The following TOX variants were observed in gnomAD, a reference collection of about 807,000 sequenced individuals.
TOX encodes the protein thymocyte selection-associated high mobility group box protein TOX.
TOX carries 11 observed loss-of-function variants against 53.7 expected under a neutral mutation model. That is an observed-to-expected ratio of 0.20 (90% CI 0.13 to 0.34). The LOEUF (loss-of-function observed/expected upper bound fraction) is 0.34, where lower values mean the gene tolerates loss of function less well. Among genes scored for constraint, TOX ranks in the 10% least tolerant of loss-of-function variants. The pLI is 1.00. For missense variants in TOX, 570 were observed against 664.6 expected (o/e 0.86, Z 1.56); for synonymous variants, 225 against 245.3 (o/e 0.92, Z 0.77).
At chr8:58,929,971 GTAAT>G (rs1812233819) in intron 3 of TOX, among the ~76,000 whole-genome samples, 2 of 152,116 alleles carry the variant, frequency 1.3e-5, no homozygotes, top group Admixed American at 6.5e-5. Context: ...ACTACACATT[GTAAT>G]TAATTGTCAA....
At chr8:58,882,970 A>G (rs895101772) in intron 3 of TOX, among the ~76,000 whole-genome samples, 3 of 152,220 alleles carry the variant, frequency 2.0e-5, no homozygotes, top group African/African-American at 4.8e-5. Flanking sequence ...TCTCGCTTGC[A>G]AACACTCATT....
At chr8:58,894,616 A>C (rs952452578) in intron 3 of TOX, among the ~76,000 whole-genome samples, 2 of 152,192 alleles carry the variant, frequency 1.3e-5, no homozygotes, top group Non-Finnish European at 2.9e-5. Flanking sequence ...GTTCTGGGCC[A>C]GGTGCAGTGG....
intron 3 of TOX, among the ~76,000 whole-genome samples, chr8:58,934,860 C>T (rs948196263): frequency 5.3e-5 from 8 of 152,136 alleles, no homozygotes; most frequent in African/African-American, 1.9e-4. Flanking sequence ...TTTCCTGAAC[C>T]CCGTGAGGTA....
At chr8:58,926,044 G>A (rs941058430) in intron 3 of TOX, among the ~76,000 whole-genome samples, 8 of 152,342 alleles carry the variant, frequency 5.3e-5, no homozygotes, top group Non-Finnish European at 1.2e-4. Context: ...AGTCAGTTGA[G>A]TGCCTGGGCT....
intron 3 of TOX, among the ~76,000 whole-genome samples, chr8:58,931,362 T>G (rs1812250771): frequency 6.6e-6 from 1 of 151,298 alleles, no homozygotes; most frequent in Admixed American, 6.6e-5. Flanking sequence ...GATTTAAAAG[T>G]TGAAAAATAA....
chr8:59,070,746 G>C (rs1422169249), intron 1 of TOX, among the ~76,000 whole-genome samples: 2 of 152,098 alleles, frequency 1.3e-5, no homozygotes, highest in South Asian at 2.1e-4. Flanking sequence ...TGTTCATTTA[G>C]TGACCTCTAT....
rs147907460 is a variant in TOX at position 59,024,978 on chromosome 8, T to C, written c.103-64970A>G. On this transcript the variant is annotated intron_variant, in intron 1 of 8. Transcript: ENST00000361421. ...TCAACTATTAACAGAAAATGATATA[T>C]AGTAGCCACAGAAATCCCTTTATGC... Among the ~76,000 whole-genome samples the C allele has an allele frequency of 2.2e-3, 339 of 152,314 alleles. 3 individuals carry two copies. The highest frequency in any genetic ancestry group is 7.8e-3 in the African/African-American group (323 of 41,572).
At chr8:59,036,480 T>G (rs1298041845) in intron 1 of TOX, among the ~76,000 whole-genome samples, 1 of 152,194 alleles carries the variant, frequency 6.6e-6, no homozygotes, top group East Asian at 1.9e-4. Context: ...TTCTTTTGAA[T>G]TTTTAACAAT....
chr8:59,021,499 T>TATACAC lies in TOX; in HGVS notation c.103-61492_103-61491insGTGTAT, dbSNP rs1554539851. Among the ~76,000 whole-genome samples, 54 of 109,596 alleles carry TATACAC rather than the reference T, an allele frequency of 4.9e-4. 3 individuals carry two copies. The highest frequency in any genetic ancestry group is 4.5e-3 in the Middle Eastern group (1 of 220). The allele number at this position is 109,596 out of a possible 152,430, so 71.9% of individuals were successfully genotyped here. ...AAAAAAAAATATATATATATATATA[T>TATACAC]GCACATATATACAATGTCAGATATA... is the stretch of plus-strand genomic sequence containing the variant. On this transcript the variant is annotated intron_variant, in intron 1 of 8. Coordinates refer to ENST00000361421, the MANE Select transcript of TOX (RefSeq NM_014729.3).
chr8:58,848,605 T>C (rs537048442), intron 4 of TOX, among the ~76,000 whole-genome samples: 1 of 152,240 alleles, frequency 6.6e-6, no homozygotes, highest in East Asian at 1.9e-4. Context: ...ATACTTTATG[T>C]GTCTTAAAGT....
chr8:58,994,468 T>C (rs1265711788), intron 1 of TOX, among the ~76,000 whole-genome samples: 3 of 151,448 alleles, frequency 2.0e-5, no homozygotes, highest in South Asian at 2.1e-4. Context: ...AAGGACTAAA[T>C]CTCTTTAGAC....
At chr8:58,849,278 G>A (rs972386149) in intron 4 of TOX, among the ~76,000 whole-genome samples, 1 of 152,130 alleles carries the variant, frequency 6.6e-6, no homozygotes, top group Non-Finnish European at 1.5e-5. Context: ...GAATGTTTGT[G>A]CAGATAAAAA....
At chr8:59,054,442 T>C (rs1279634609) in intron 1 of TOX, among the ~76,000 whole-genome samples, 1 of 152,104 alleles carries the variant, frequency 6.6e-6, no homozygotes, top group Non-Finnish European at 1.5e-5. Flanking sequence ...ATCCTTAGAG[T>C]TGTGAGTTCG....
At chr8:59,027,675 T>G (rs1814270711) in intron 1 of TOX, among the ~76,000 whole-genome samples, 1 of 152,148 alleles carries the variant, frequency 6.6e-6, no homozygotes, top group Admixed American at 6.6e-5. Context: ...TTTACGGACT[T>G]CATTGAAATA....
intron 1 of TOX, among the ~76,000 whole-genome samples, chr8:59,025,750 G>A (rs1355321184): frequency 2.0e-5 from 3 of 152,130 alleles, no homozygotes; most frequent in African/African-American, 2.4e-5. Flanking sequence ...CAGATGGTTC[G>A]CTTACCTGCA....
chr8:58,969,469 A>G (rs575292036), intron 1 of TOX, among the ~76,000 whole-genome samples: 1 of 152,176 alleles, frequency 6.6e-6, no homozygotes, highest in Non-Finnish European at 1.5e-5. Context: ...TACATCTTCA[A>G]GTACTACATA....
intron 1 of TOX, among the ~76,000 whole-genome samples, chr8:59,015,257 T>A (rs1366085782): frequency 6.6e-6 from 1 of 152,212 alleles, no homozygotes; most frequent in Non-Finnish European, 1.5e-5. Flanking sequence ...CACGGGACAC[T>A]GCTAATATCA....
intron 4 of TOX, among the ~76,000 whole-genome samples, chr8:58,843,755 T>C (rs1810680868): frequency 1.3e-5 from 2 of 152,208 alleles, no homozygotes; most frequent in Non-Finnish European, 2.9e-5. Flanking sequence ...GTGGAAAGGA[T>C]GCAGAAATGA....
In TOX at chr8:58,914,533, C is replaced by T. The variant is rs533984966; in HGVS notation, c.411+24769G>A. On this transcript the variant is annotated intron_variant, in intron 3 of 8. Coordinates refer to ENST00000361421, the MANE Select transcript of TOX (RefSeq NM_014729.3). ...TTGTCAATGTCTGGACATTTTATGACTGTCACAGCTAGGGGGTGGGGGACA... is the reference window on the plus strand; with the variant it reads ...TTGTCAATGTCTGGACATTTTATGATTGTCACAGCTAGGGGGTGGGGGACA... 5.9e-5 allele frequency among the ~76,000 whole-genome samples: 9 copies of T among 152,278 alleles called. No homozygotes were observed. The South Asian group carries it at 1.7e-3, about 28-fold the overall frequency.
Sources: allele counts gnomAD v4.1 joint callset (sites outside exome capture counted in the v4.1 genomes callset), GRCh38; gene constraint gnomAD v4.1.1; transcripts MANE v1.5; gene names NCBI Gene and HGNC (gene_info 2026-07-23, HGNC 2026-07-21).